The following EOLA2 variants were observed in gnomAD, a reference collection of about 807,000 sequenced individuals.
EOLA2 encodes the protein protein EOLA2.
Under a neutral mutation model 4.1 loss-of-function variants are expected in EOLA2, and 3 were observed. That is an observed-to-expected ratio of 0.73 (90% CI 0.33 to 1.89). The LOEUF is 1.89. Ranked by LOEUF, EOLA2 falls within the 40% of genes most tolerant of loss-of-function variation. The pLI, the probability that EOLA2 is intolerant of heterozygous loss-of-function variation, is 0.08. For missense variants in EOLA2, 109 were observed against 126.4 expected, an observed-to-expected ratio of 0.86 and a Z score of 0.66; for synonymous variants, 52 against 51.7, an observed-to-expected ratio of 1.01 and a Z score of -0.03.
At chrX:149,930,066 T>C, downstream of EOLA2, 1 of 1,159,503 alleles carries the variant, frequency 8.6e-7, no homozygotes, top group Non-Finnish European at 1.1e-6. Context: ...ATTCGCCAGC[T>C]GAACCTCTAT....
At chrX:149,935,911 G>A (rs2090985483) in intron 2 of EOLA2, among the ~76,000 whole-genome samples, 1 of 108,359 alleles carries the variant, frequency 9.2e-6, no homozygotes, top group Non-Finnish European at 1.9e-5. Flanking sequence ...AACCGACACT[G>A]AATCTGATCC....
chrX:149,935,801 G>T (rs1260894212), intron 2 of EOLA2, among the ~76,000 whole-genome samples: 1 of 106,610 alleles, frequency 9.4e-6, no homozygotes, highest in African/African-American at 3.5e-5. Context: ...CTCTGTGAGT[G>T]GCATCACCAG....
rs1465202381 is a variant in EOLA2 at position 149,932,472 on chromosome X, C to A, written c.*72G>T. ...TAACCTAATTTATACAGGTCTGCGT[C>A]ACGATGGCAAATTGAAGGTGCCATG... On this transcript the variant is annotated 3_prime_UTR_variant, in exon 5 of 5. Transcript: ENST00000370406. 8.3e-7 allele frequency: 1 copy of A among 1,198,768 alleles called. No individual in the cohort carries two copies. Among genetic ancestry groups the A allele is most frequent in the African/African-American group, 1.8e-5 (1 of 56,682 alleles).
rs782149798 is a variant in EOLA2 at position 149,933,755 on chromosome X, G to A, written c.120C>T (p.Ala40=). The A allele has an allele frequency of 7.5e-6, 9 of 1,206,776 alleles. No homozygotes were observed. The highest frequency in any genetic ancestry group is 7.3e-5 in the African/African-American group (4 of 54,600). The change falls in exon 4 of 5, where the codon GCC becomes GCT. Residue 40 remains alanine (A), a synonymous_variant. Coordinates refer to ENST00000370406, the MANE Select transcript of EOLA2 (RefSeq NM_001013845.2). ...CCCAGTCCCTGTGAGCAATGTGGAC[G>A]GCGATGGTACAGTTCCGCTGGCTGC... The part of the protein sequence containing the change: ...LLSSQRNCTI[A]VHIAHRDWEG...
chrX:149,935,929 T>C (rs1276858146), intron 2 of EOLA2, among the ~76,000 whole-genome samples: 2 of 107,479 alleles, frequency 1.9e-5, no homozygotes, highest in African/African-American at 3.4e-5. Context: ...TCCCTTTCCA[T>C]AATCTCTATG....
At chrX:149,936,729 G>A (rs782508459) in intron 2 of EOLA2, among the ~76,000 whole-genome samples, 18 of 110,762 alleles carry the variant, frequency 1.6e-4, no homozygotes, top group African/African-American at 4.9e-4. Context: ...GCCCCTTTAT[G>A]GTCCTTTGTT....
At chrX:149,934,648 T>C (rs1391784096) in intron 2 of EOLA2, 8 of 750,744 alleles carry the variant, frequency 1.1e-5, no homozygotes, top group South Asian at 6.8e-5. Context: ...GCCTCTGGGA[T>C]GGCATGATCT....
intron 2 of EOLA2, among the ~76,000 whole-genome samples, chrX:149,936,783 G>GCCATTTGCACACAAA (rs1569562202): frequency 7.4e-5 from 8 of 107,535 alleles, no homozygotes; most frequent in African/African-American, 2.7e-4. Context: ...ATCTGCACAG[G>GCCATTTGCACACAAA]CTAGGGCACG....
chrX:149,933,740 G>A lies in EOLA2; in HGVS notation c.135C>T (p.His45=). 8.3e-7 allele frequency: 1 copy of A among 1,208,476 alleles called. No homozygotes were observed. The highest frequency in any genetic ancestry group is 3.0e-5 in the East Asian group (1 of 33,808). The part of the protein sequence containing the change: ...RNCTIAVHIA[H]RDWEGDACRE... The stretch of plus-strand genomic sequence containing the variant: ...GACAGGCATCGCCTTCCCAGTCCCT[G>A]TGAGCAATGTGGACGGCGATGGTAC... The change falls in exon 4 of 5, where the codon CAC becomes CAT. Residue 45 remains histidine (H), a synonymous_variant. Coordinates refer to ENST00000370406, the MANE Select transcript of EOLA2 (RefSeq NM_001013845.2).
chrX:149,934,042 A>G lies in EOLA2; in HGVS notation c.-67T>C, dbSNP rs185155648. On this transcript the variant is annotated 5_prime_UTR_variant, in exon 3 of 5. Transcript: ENST00000370406. ...CTGCTTCCGTCTGTCACTGATGTCG[A>G]GCACCACAGCAGGCCCAAGGGAAGG... 9.1e-7 allele frequency: 1 copy of G among 1,092,932 alleles called. No individual in the cohort carries two copies. Among genetic ancestry groups the G allele is most frequent in the African/African-American group, 2.0e-5 (1 of 50,147 alleles). 90.1% of individuals were successfully genotyped at this position (1,092,932 alleles called of 1,213,427 possible).
Position 149,932,714 on chromosome X carries a change from C to T in EOLA2, c.307G>A (p.Glu103Lys). Residue 103 changes from glutamate to lysine, a missense_variant, in exon 5 of 5, where the codon GAG (glutamate) becomes AAG (lysine). Physicochemically the swap from Glu to Lys is moderately conservative, Grantham distance 56. Coordinates refer to ENST00000370406, the MANE Select transcript of EOLA2 (RefSeq NM_001013845.2). ...GCTTGATTTTCTAGTTCCACAACCTCATCGGGAGTTAAGTCTTCGGGGCAT... is the reference window on the plus strand; with the variant it reads ...GCTTGATTTTCTAGTTCCACAACCTTATCGGGAGTTAAGTCTTCGGGGCAT... ...LQCPEDLTPD[E>K]VVELENQAAL... is the part of the protein sequence containing the mutation. 8.3e-7 allele frequency: 1 copy of T among 1,207,641 alleles called. No homozygotes were observed. Among genetic ancestry groups the T allele is most frequent in the Non-Finnish European group, 1.1e-6 (1 of 894,147 alleles).
At chrX:149,937,247 C>A (rs2091020075) in intron 2 of EOLA2, among the ~76,000 whole-genome samples, 186 bp downstream of exon 2, 1 of 112,334 alleles carries the variant, frequency 8.9e-6, no homozygotes, top group Admixed American at 9.4e-5. Context: ...CCACTTCCAT[C>A]GGGATAAATG....
chrX:149,936,728 T>A lies in EOLA2; in HGVS notation c.-163+705A>T, dbSNP rs782235902. Among the ~76,000 whole-genome samples the A allele has an allele frequency of 7.2e-5, 8 of 111,026 alleles. No individual in the cohort carries two copies. The South Asian group carries it at 3.1e-3, about 43-fold the overall frequency. ...TCTGTTCTTTAAGCCAGCCCCTTTA[T>A]GGTCCTTTGTTTCAGCCATCTTGGC... On this transcript the variant is annotated intron_variant, in intron 2 of 4. Coordinates refer to ENST00000370406, the MANE Select transcript of EOLA2 (RefSeq NM_001013845.2).
downstream of EOLA2, chrX:149,931,233 T>C: frequency 3.0e-6 from 2 of 668,137 alleles, no homozygotes; most frequent in East Asian, 4.4e-5. Flanking sequence ...TTTTTGGTCT[T>C]AATAAAGAAA....
At chrX:149,933,940 T>G (rs35673661) in intron 3 of EOLA2, 37 bp from the exon 4 acceptor site, 10 of 1,169,600 alleles carry the variant, frequency 8.5e-6, no homozygotes, top group Middle Eastern at 2.4e-4. Flanking sequence ...CGCCAGCCCT[T>G]CAAGCTCATG....
At position 149,938,435 on chromosome X, in the gene EOLA2, A is replaced by G. The variant is rs1411448157; in HGVS notation, c.-453T>C. On this transcript the variant is annotated 5_prime_UTR_variant, in exon 1 of 5. An upstream start codon of the reference 5' UTR is lost. Transcript: ENST00000370406. ...GGCCAGTGACAGATGCTAGCGGTCC[A>G]TAACTTCGGCTTTCATGCAGCTCCC... is the stretch of plus-strand genomic sequence containing the variant. The G allele has an allele frequency of 8.9e-6, 1 of 112,963 alleles. No homozygotes were observed. Among genetic ancestry groups the G allele is most frequent in the Non-Finnish European group, 1.9e-5 (1 of 53,310 alleles). The allele number at this position is 112,963 out of a possible 1,213,427, so 9.3% of individuals were successfully genotyped here. A position where few individuals can be genotyped will look rare whatever the true frequency, so the allele number is the denominator to read the frequency against.
intron 2 of EOLA2, chrX:149,934,520 C>T (rs2090945526): frequency 1.3e-6 from 1 of 753,178 alleles, no homozygotes; most frequent in African/African-American, 2.3e-5. Flanking sequence ...TCCTCAAGCC[C>T]CTTCCCCCAC....
rs781945234 is a variant in EOLA2 at position 149,933,829 on chromosome X, C to G, written c.46G>C (p.Val16Leu). 8.3e-7 allele frequency: 1 copy of G among 1,206,531 alleles called. No homozygotes were observed. The highest frequency in any genetic ancestry group is 1.1e-6 in the Non-Finnish European group (1 of 893,811). ...LSFRQPYAGFVLNGIKTVETR... is the reference protein window; with the variant it reads ...LSFRQPYAGFLLNGIKTVETR... ...TCCACAGTCTTGATTCCATTTAAGA[C>G]AAAGCCAGCATAAGGCTGCCGGAAG... Residue 16 changes from valine (V) to leucine (L), a missense_variant, in exon 4 of 5, where the codon GTC becomes CTC. Coordinates refer to ENST00000370406, the MANE Select transcript of EOLA2 (RefSeq NM_001013845.2).
chrX:149,935,665 T>A (rs188067039), intron 2 of EOLA2, among the ~76,000 whole-genome samples: 5 of 98,335 alleles, frequency 5.1e-5, no homozygotes, highest in African/African-American at 1.9e-4. Context: ...GGGACCCCCA[T>A]GTTGCTCACC....
Sources: gnomAD v4.1 joint callset for allele counts (sites outside exome capture counted in the v4.1 genomes callset) on GRCh38, gnomAD v4.1.1 for gene constraint, MANE v1.5 for transcripts, NCBI Gene and HGNC (gene_info 2026-07-23, HGNC 2026-07-21) for gene names.